Variants in TBC1D5 observed in about 807,000 individuals in gnomAD.
TBC1D5 encodes TBC1 domain family member 5.
Under a neutral mutation model 100.3 loss-of-function variants are expected in TBC1D5, and 75 were observed. The observed-to-expected ratio is 0.75, with a 90% CI of 0.62 to 0.91. The LOEUF (loss-of-function observed/expected upper bound fraction) is 0.91. Ranked by LOEUF, TBC1D5 falls within the 40% of genes least tolerant of loss-of-function variation. The probability of loss-of-function intolerance (pLI) is 0.00; values close to 1 mark genes in which losing one functional copy is unlikely to be tolerated. For synonymous variants in TBC1D5, 323 were observed against 325.6 expected (o/e 0.99, Z 0.09); for missense variants, 910 against 942.4 (o/e 0.97, Z 0.45).
At position 17,639,573 on chromosome 3, in the gene TBC1D5, A is replaced by T. The variant is rs372203419; in HGVS notation, c.-100-15660T>A. On this transcript the variant is annotated intron_variant, in intron 1 of 21. Transcript: ENST00000253692. ...CACCAAAGATAACTTTTTGCGTGTA[A>T]ATTTATAGGAGAGTTGTCAAAAAAT... Among the ~76,000 whole-genome samples, 29 of 152,226 alleles carry T rather than the reference A, an allele frequency of 1.9e-4. No homozygotes were observed. In the South Asian group the frequency reaches 6.0e-3, roughly 32 times the overall value.
At chr3:17,327,550 C>T (rs2086299782) in intron 13 of TBC1D5, among the ~76,000 whole-genome samples, 1 of 152,108 alleles carries the variant, frequency 6.6e-6, no homozygotes, top group South Asian at 2.1e-4. Flanking sequence ...CTTGCAATGC[C>T]ATCTGCTTGG....
chr3:17,628,538 C>A (rs1019455008), intron 1 of TBC1D5, among the ~76,000 whole-genome samples: 1 of 151,914 alleles, frequency 6.6e-6, no homozygotes, highest in African/African-American at 2.4e-5. Context: ...CAACATGAAA[C>A]ATAAATTTAA....
chr3:17,193,183 G>C (rs939559984), intron 18 of TBC1D5, among the ~76,000 whole-genome samples: 1 of 152,210 alleles, frequency 6.6e-6, no homozygotes, highest in Non-Finnish European at 1.5e-5. Flanking sequence ...AGAGCTCCTC[G>C]CTGATTGTGC....
intron 1 of TBC1D5, chr3:17,706,062 T>C (rs2153905239): frequency 3.8e-6 from 6 of 1,594,730 alleles, no homozygotes; most frequent in Non-Finnish European, 4.3e-6. Flanking sequence ...AGCCTACTGA[T>C]TTCCCCCGAC....
At chr3:17,160,882 C>T in exon 22 of TBC1D5, 1 of 1,491,914 alleles carries the variant, frequency 6.7e-7, no homozygotes, top group Non-Finnish European at 9.0e-7. Context: ...TAAGAAGGTT[C>T]TCCACTGGAT....
Position 17,233,667 on chromosome 3 carries a change from T to G in TBC1D5, c.1588+4496A>C. 1 of 1,444,352 alleles carries G rather than the reference T, an allele frequency of 6.9e-7. No individual in the cohort carries two copies. The highest frequency in any genetic ancestry group is 1.7e-4 in the Middle Eastern group (1 of 5,722). 89.5% of individuals were successfully genotyped at this position (1,444,352 alleles called of 1,614,324 possible). A position where few individuals can be genotyped will look rare whatever the true frequency, so the allele number is the denominator to read the frequency against. On this transcript the variant is annotated intron_variant, in intron 17 of 21. Coordinates refer to ENST00000253692, the Ensembl canonical transcript of TBC1D5. ...TAGGCAAAGAAAAAGAAACACTATG[T>G]TGTTATGGTAACTGTACCTTGGAGG...
chr3:17,467,756 G>A (rs2150068643), intron 3 of TBC1D5, among the ~76,000 whole-genome samples: 1 of 151,876 alleles, frequency 6.6e-6, no homozygotes, highest in South Asian at 2.1e-4. Context: ...AAATAACCAG[G>A]CATGGTGGCA....
intron 1 of TBC1D5, among the ~76,000 whole-genome samples, chr3:17,733,540 T>C (rs958498404): frequency 1.3e-5 from 2 of 152,130 alleles, no homozygotes; most frequent in African/African-American, 4.8e-5. Flanking sequence ...GAGAGCTACG[T>C]ACATTACCAG....
chr3:17,616,065 C>A (rs2062127105), intron 2 of TBC1D5, among the ~76,000 whole-genome samples: 1 of 152,214 alleles, frequency 6.6e-6, no homozygotes, highest in Admixed American at 6.5e-5. Flanking sequence ...TTAAATGTGT[C>A]CCAGAGATTC....
At chr3:17,603,482 T>C (rs942873333) in intron 2 of TBC1D5, among the ~76,000 whole-genome samples, 9 of 152,112 alleles carry the variant, frequency 5.9e-5, no homozygotes, top group African/African-American at 2.2e-4. Context: ...CATGGTAACA[T>C]CTGGAATCTA....
chr3:17,656,237 T>C (rs553950600), intron 1 of TBC1D5, among the ~76,000 whole-genome samples: 26 of 152,272 alleles, frequency 1.7e-4, no homozygotes, highest in African/African-American at 5.3e-4. Context: ...AAATCGGACA[T>C]TGGGTTGGCA....
chr3:17,409,555 TTGCGCTAAA>T (rs767334976), intron 4 of TBC1D5, among the ~76,000 whole-genome samples: 2 of 152,082 alleles, frequency 1.3e-5, no homozygotes, highest in Non-Finnish European at 2.9e-5. Context: ...GCTTGGTCTC[TTGCGCTAAA>T]CAGGTAGCCC....
At chr3:17,416,562 G>C (rs1575795328) in intron 4 of TBC1D5, among the ~76,000 whole-genome samples, 1 of 152,138 alleles carries the variant, frequency 6.6e-6, no homozygotes, top group African/African-American at 2.4e-5. Flanking sequence ...AACATTAAAA[G>C]TTAAATAATA....
At chr3:17,189,210 T>C (rs999766047) in intron 18 of TBC1D5, among the ~76,000 whole-genome samples, 1 of 152,238 alleles carries the variant, frequency 6.6e-6, no homozygotes, top group African/African-American at 2.4e-5. Context: ...AATTTTTTTA[T>C]AATCAAGTTA....
chr3:17,526,948 A>G (rs1290838831), intron 2 of TBC1D5, among the ~76,000 whole-genome samples: 1 of 152,196 alleles, frequency 6.6e-6, no homozygotes, highest in Non-Finnish European at 1.5e-5. Flanking sequence ...GCAGAAATTG[A>G]GGAAATCCAG....
intron 2 of TBC1D5, among the ~76,000 whole-genome samples, chr3:17,516,015 G>A (rs1035336472): frequency 6.6e-6 from 1 of 152,164 alleles, no homozygotes. Context: ...CTCACTGAGG[G>A]AAGGCCAGCA....
chr3:17,657,737 T>G (rs1024190480), intron 1 of TBC1D5, among the ~76,000 whole-genome samples: 1 of 152,248 alleles, frequency 6.6e-6, no homozygotes, highest in Non-Finnish European at 1.5e-5. Flanking sequence ...TTTACATCTC[T>G]GTATCTACTT....
Position 17,627,265 on chromosome 3 carries a change from C to T in TBC1D5, c.-100-3352G>A, listed in dbSNP as rs9825932. Among the ~76,000 whole-genome samples, 143 of 152,202 alleles carry T rather than the reference C, an allele frequency of 9.4e-4. 1 individual carries two copies. The highest frequency in any genetic ancestry group is 3.3e-3 in the African/African-American group (136 of 41,538). ...AATGGCTGGATCTGACTGGAGCGGA[C>T]AGACAGTGGCAAGACGATGCTTCCA... On this transcript the variant is annotated intron_variant, in intron 1 of 21. Transcript: ENST00000253692.
chr3:17,309,445 C>T (rs2083750817), intron 13 of TBC1D5, among the ~76,000 whole-genome samples: 1 of 151,904 alleles, frequency 6.6e-6, no homozygotes, highest in Admixed American at 6.6e-5. Flanking sequence ...AAAAATGTTA[C>T]AGCATCTTTT....
Sources: allele counts gnomAD v4.1 joint callset (sites outside exome capture counted in the v4.1 genomes callset), GRCh38; gene constraint gnomAD v4.1.1; transcripts MANE v1.5; gene names NCBI Gene and HGNC (gene_info 2026-07-23, HGNC 2026-07-21).